The following STX8 variants were observed in gnomAD, a reference collection of about 807,000 sequenced individuals.
The protein encoded by STX8 is syntaxin-8.
Under a neutral mutation model 37.5 loss-of-function variants are expected in STX8, and 23 were observed. The ratio of observed to expected loss-of-function variants is 0.61; its 90% CI spans 0.44 to 0.87. The LOEUF is 0.87. Among genes scored for constraint, STX8 ranks in the 40% least tolerant of loss-of-function variants. The probability of loss-of-function intolerance (pLI) is 0.00; values close to 1 mark genes in which losing one functional copy is unlikely to be tolerated. For missense variants in STX8, 313 were observed against 284.7 expected (o/e 1.10, Z -0.71); for synonymous variants, 115 against 99.1 (o/e 1.16, Z -0.95).
intron 6 of STX8, among the ~76,000 whole-genome samples, chr17:9,396,369 G>C (rs1325955751): frequency 6.6e-6 from 1 of 150,642 alleles, no homozygotes; most frequent in Non-Finnish European, 1.5e-5. Flanking sequence ...AGGAATTTGG[G>C]GGGGCGGGGT....
At chr17:9,361,128 G>T (rs1410129522) in intron 7 of STX8, among the ~76,000 whole-genome samples, 3 of 152,128 alleles carry the variant, frequency 2.0e-5, no homozygotes, top group Non-Finnish European at 4.4e-5. Flanking sequence ...AGAAAGGAAA[G>T]GTGAGCCAAA....
intron 6 of STX8, among the ~76,000 whole-genome samples, chr17:9,412,966 G>T (rs747826270): frequency 6.6e-6 from 1 of 152,196 alleles, no homozygotes; most frequent in African/African-American, 2.4e-5. Context: ...AGGAAGAAAA[G>T]TTGCAATAGG....
chr17:9,392,817 T>C (rs966880250), intron 6 of STX8, among the ~76,000 whole-genome samples: 6 of 152,230 alleles, frequency 3.9e-5, no homozygotes, highest in African/African-American at 1.4e-4. Flanking sequence ...AACTGGAAGA[T>C]AGTTCCAATA....
chr17:9,362,828 C>CAA (rs765809132), intron 7 of STX8, among the ~76,000 whole-genome samples: 38 of 102,102 alleles, frequency 3.7e-4, no homozygotes, highest in Non-Finnish European at 6.0e-4. Flanking sequence ...GACTCCGTCT[C>CAA]AAAAAAAAAA....
At chr17:9,453,820 A>C (rs536199313) in intron 6 of STX8, among the ~76,000 whole-genome samples, 1 of 152,158 alleles carries the variant, frequency 6.6e-6, no homozygotes, top group South Asian at 2.1e-4. Context: ...AGGATTTTTA[A>C]TAACTATGTG....
chr17:9,575,758 C>T, intron 1 of STX8, 34 bp downstream of exon 1: 1 of 1,546,206 alleles, frequency 6.5e-7, no homozygotes, highest in Non-Finnish European at 8.7e-7. Context: ...CCCGAAGGTC[C>T]CTCCACGCAC....
At chr17:9,365,193 A>G (rs552772350) in intron 7 of STX8, among the ~76,000 whole-genome samples, 17 of 152,368 alleles carry the variant, frequency 1.1e-4, no homozygotes, top group African/African-American at 3.4e-4. Context: ...TATTGTCAAC[A>G]TTAAAATATT....
At chr17:9,352,093 G>A (rs953779507) in intron 7 of STX8, among the ~76,000 whole-genome samples, 11 of 150,952 alleles carry the variant, frequency 7.3e-5, no homozygotes, top group African/African-American at 2.2e-4. Flanking sequence ...GGAGGGCTTC[G>A]GTGAGCTACG....
intron 7 of STX8, among the ~76,000 whole-genome samples, chr17:9,257,752 C>G (rs1906853922): frequency 6.6e-6 from 1 of 152,222 alleles, no homozygotes; most frequent in South Asian, 2.1e-4. Context: ...CTTTGGGAGG[C>G]CAAGGCGAGT....
At chr17:9,261,952 G>C (rs193102308) in intron 7 of STX8, among the ~76,000 whole-genome samples, 137 of 152,302 alleles carry the variant, frequency 9.0e-4, no homozygotes, top group Admixed American at 3.1e-3. Flanking sequence ...GAAGATTCCT[G>C]CAAGGTTCCA....
chr17:9,475,565 A>G (rs968710018), intron 6 of STX8, among the ~76,000 whole-genome samples: 4 of 152,190 alleles, frequency 2.6e-5, no homozygotes, highest in Non-Finnish European at 5.9e-5. Flanking sequence ...CCCCCGGAAC[A>G]GCCTTCTCTG....
At chr17:9,340,923 C>T (rs1028828665) in intron 7 of STX8, among the ~76,000 whole-genome samples, 7 of 149,582 alleles carry the variant, frequency 4.7e-5, no homozygotes, top group African/African-American at 1.7e-4. Flanking sequence ...TCTCAAAGTG[C>T]TGGGATTACA....
chr17:9,400,106 A>ATTTT (rs368851654), intron 6 of STX8, among the ~76,000 whole-genome samples: 1 of 138,034 alleles, frequency 7.2e-6, no homozygotes. Flanking sequence ...TGTTGTTATT[A>ATTTT]TTTTTTTTTT....
At chr17:9,500,990 G>A (rs1904589573) in intron 5 of STX8, among the ~76,000 whole-genome samples, 1 of 152,080 alleles carries the variant, frequency 6.6e-6, no homozygotes, top group Non-Finnish European at 1.5e-5. Context: ...GGGTCACAGA[G>A]TGAGACTGTC....
intron 6 of STX8, among the ~76,000 whole-genome samples, chr17:9,407,194 T>C (rs1028040236): frequency 1.3e-5 from 2 of 152,172 alleles, no homozygotes; most frequent in African/African-American, 4.8e-5. Context: ...ATTTTTAATA[T>C]ATGTGACTTT....
At chr17:9,481,799 T>C (rs537687551) in intron 6 of STX8, among the ~76,000 whole-genome samples, 52 of 152,212 alleles carry the variant, frequency 3.4e-4, no homozygotes, top group African/African-American at 1.2e-3. Flanking sequence ...TAGATTCTCA[T>C]AGGAGGATAA....
intron 3 of STX8, among the ~76,000 whole-genome samples, chr17:9,548,244 A>G (rs1906627002): frequency 6.6e-6 from 1 of 152,222 alleles, no homozygotes; most frequent in Non-Finnish European, 1.5e-5. Context: ...AGCTGGGATT[A>G]CATGCACATG....
intron 5 of STX8, among the ~76,000 whole-genome samples, chr17:9,501,721 C>T (rs981463702): frequency 6.6e-6 from 1 of 151,602 alleles, no homozygotes; most frequent in Non-Finnish European, 1.5e-5. Flanking sequence ...CGCCTGTAAT[C>T]CCAGCACTTT....
At chr17:9,460,380 T>C (rs1220277315) in intron 6 of STX8, among the ~76,000 whole-genome samples, 2 of 151,988 alleles carry the variant, frequency 1.3e-5, no homozygotes, top group Non-Finnish European at 2.9e-5. Flanking sequence ...TTTTAAAAAA[T>C]TACTAAATTC....
Sources: allele counts gnomAD v4.1 joint callset (sites outside exome capture counted in the v4.1 genomes callset), GRCh38; gene constraint gnomAD v4.1.1; transcripts MANE v1.5; gene names NCBI Gene and HGNC (gene_info 2026-07-23, HGNC 2026-07-21).